The following BIRC3 variants were observed in gnomAD, a reference collection of about 807,000 sequenced individuals.
BIRC3 encodes the protein baculoviral IAP repeat-containing protein 3.
BIRC3 carries 26 observed loss-of-function variants against 59.0 expected under a neutral mutation model. The ratio of observed to expected loss-of-function variants is 0.44; its 90% confidence interval spans 0.32 to 0.61. The LOEUF (loss-of-function observed/expected upper bound fraction) is 0.61. Ranked by LOEUF, BIRC3 falls within the 20% of genes least tolerant of loss-of-function variation. The pLI, the probability that BIRC3 is intolerant of heterozygous loss-of-function variation, is 0.04. For synonymous variants in BIRC3, 243 were observed against 249.2 expected (o/e 0.98, Z 0.24); for missense variants, 641 against 711.5 (o/e 0.90, Z 1.13).
In BIRC3 at chr11:102,331,250, A is replaced by T. The variant is rs530596637; in HGVS notation, c.1324+9A>T. Reference sequence around the variant, plus strand: ...TGAGGAAAAAGAATCAAGTATGTAGATTTATTAATACAGTCTATTTTCATA... The same window carrying T: ...TGAGGAAAAAGAATCAAGTATGTAGTTTTATTAATACAGTCTATTTTCATA... On this transcript the variant is annotated intron_variant, in intron 6 of 8. Coordinates refer to ENST00000263464, the MANE Select transcript of BIRC3 (RefSeq NM_001165.5). The T allele has an allele frequency of 3.7e-6, 6 of 1,601,092 alleles. No homozygotes were observed. The East Asian group carries it at 1.4e-4, about 36-fold the overall frequency.
At position 102,323,132 on chromosome 11, in the gene BIRC3, T is replaced by C. The variant is rs1315074239; in HGVS notation, c.-1378T>C. On this transcript the variant is annotated 5_prime_UTR_variant, in exon 2 of 9. Transcript: ENST00000263464. ...TCAGAAACATTTAGAAAAACAAAAG[T>C]TCAAAAATGTTTTCAGGAGGTGATA... is the stretch of plus-strand genomic sequence containing the variant. 5.0e-6 allele frequency: 1 copy of C among 199,144 alleles called. No individual in the cohort carries two copies. The highest frequency in any genetic ancestry group is 1.0e-5 in the Non-Finnish European group (1 of 96,460). 12.3% of individuals were successfully genotyped at this position (199,144 alleles called of 1,614,324 possible).
chr11:102,328,316 G>C (rs1951104901), intron 4 of BIRC3, among the ~76,000 whole-genome samples, 186 bp downstream of exon 4: 1 of 152,174 alleles, frequency 6.6e-6, no homozygotes, highest in Admixed American at 6.5e-5. Context: ...ATAAATGGTA[G>C]TCTCCTGATA....
At chr11:102,330,912 C>G (rs762221543) in intron 5 of BIRC3, 87 bp from the exon 6 acceptor site, 16 of 1,335,816 alleles carry the variant, frequency 1.2e-5, no homozygotes, top group Non-Finnish European at 1.6e-5. Context: ...ATTATAAAAC[C>G]TTTCAATTTT....
At position 102,323,671 on chromosome 11, in the gene BIRC3, T is replaced by C. The variant is rs1012034186; in HGVS notation, c.-839T>C. The C allele has an allele frequency of 5.1e-6, 1 of 196,620 alleles. No individual in the cohort carries two copies. Among genetic ancestry groups the C allele is most frequent in the African/African-American group, 2.3e-5 (1 of 43,304 alleles). The allele number at this position is 196,620 out of a possible 1,614,324, so 12.2% of individuals were successfully genotyped here. Reference sequence around the variant, plus strand: ...ATGTGTTAGCCAGTCCTGTTACTAGTAAATCTCTTTATTTGGAGAGAAATT... The same window carrying C: ...ATGTGTTAGCCAGTCCTGTTACTAGCAAATCTCTTTATTTGGAGAGAAATT... On this transcript the variant is annotated 5_prime_UTR_variant, in exon 2 of 9. Coordinates refer to ENST00000263464, the MANE Select transcript of BIRC3 (RefSeq NM_001165.5).
intron 5 of BIRC3, among the ~76,000 whole-genome samples, chr11:102,330,347 A>G (rs1951126796): frequency 6.6e-6 from 1 of 152,250 alleles, no homozygotes; most frequent in Admixed American, 6.5e-5. Flanking sequence ...GGTCAGCACT[A>G]CAGGCAGAAT....
intron 6 of BIRC3, among the ~76,000 whole-genome samples, chr11:102,333,739 C>CG (rs1951169120): frequency 1.3e-5 from 2 of 152,008 alleles, no homozygotes; most frequent in African/African-American, 4.8e-5. Context: ...GAGCAAGACT[C>CG]TGTTTTAAAA....
intron 4 of BIRC3, 24 bp from the exon 5 acceptor site, chr11:102,328,873 T>C (rs1951110926): frequency 3.5e-6 from 3 of 856,158 alleles, no homozygotes; most frequent in East Asian, 4.8e-5. Flanking sequence ...TATATATATA[T>C]ATATATATTT....
chr11:102,335,546 C>T (rs1951186820), intron 6 of BIRC3, among the ~76,000 whole-genome samples: 2 of 152,174 alleles, frequency 1.3e-5, no homozygotes, highest in Non-Finnish European at 2.9e-5. Flanking sequence ...TTAGGACCTA[C>T]CTCAAAGAGC....
At chr11:102,328,168 A>G (rs775864205) in intron 4 of BIRC3, 38 bp downstream of exon 4, 2 of 1,520,786 alleles carry the variant, frequency 1.3e-6, no homozygotes, top group South Asian at 2.3e-5. Flanking sequence ...GGTTGCCATC[A>G]GAGAAATTGC....
Position 102,336,001 on chromosome 11 carries a change from C to A in BIRC3, c.1360C>A (p.Leu454Ile). 6.2e-7 allele frequency: 1 copy of A among 1,611,394 alleles called. No homozygotes were observed. The highest frequency in any genetic ancestry group is 8.5e-7 in the Non-Finnish European group (1 of 1,178,874). The change falls in exon 7 of 9, where the codon CTT becomes ATT. Residue 454 changes from leucine to isoleucine, a missense_variant. Around this residue, in one of 4 missense-constraint regions of BIRC3, gnomAD observed 268 missense variants for 255.7 expected, o/e 1.05. Transcript: ENST00000263464. Reference protein sequence around the residue: ...LLLIRKNRMALFQHLTCVIPI... With the variant: ...LLLIRKNRMAIFQHLTCVIPI... Reference sequence around the variant, plus strand: ...ATTAATCCGGAAGAATAGAATGGCACTTTTTCAACATTTGACTTGTGTAAT... The same window carrying A: ...ATTAATCCGGAAGAATAGAATGGCAATTTTTCAACATTTGACTTGTGTAAT...
chr11:102,332,592 C>G (rs911885505), intron 6 of BIRC3, among the ~76,000 whole-genome samples: 1 of 152,192 alleles, frequency 6.6e-6, no homozygotes. Flanking sequence ...TTCTCCTTAT[C>G]CTTGTGCAAG....
Position 102,328,869 on chromosome 11 carries a change from TATATATATATA to T in BIRC3, c.1033-27_1033-17del. On this transcript the variant is annotated splice_polypyrimidine_tract_variant and intron_variant, in intron 4 of 8. Coordinates refer to ENST00000263464, the MANE Select transcript of BIRC3 (RefSeq NM_001165.5). ...ATTTCTATTTTAATTTATATATATA[TATATATATATA>T]TTTTTTTTTTCTGCAGCTGCTATCC... is the stretch of plus-strand genomic sequence containing the variant. 2.5e-6 allele frequency: 2 copies of T among 794,160 alleles called. No homozygotes were observed. The highest frequency in any genetic ancestry group is 3.4e-6 in the Non-Finnish European group (2 of 595,682). The allele number at this position is 794,160 out of a possible 1,614,324, so 49.2% of individuals were successfully genotyped here. A position where few individuals can be genotyped will look rare whatever the true frequency, so the allele number is the denominator to read the frequency against.
At chr11:102,318,333 G>T (rs922828313) in intron 1 of BIRC3, among the ~76,000 whole-genome samples, 2 of 152,052 alleles carry the variant, frequency 1.3e-5, no homozygotes, top group African/African-American at 4.8e-5. Flanking sequence ...TTGGTATTGG[G>T]CACCCCCGAT....
chr11:102,334,118 C>T (rs1041042330), intron 6 of BIRC3, among the ~76,000 whole-genome samples: 4 of 151,918 alleles, frequency 2.6e-5, no homozygotes, highest in South Asian at 2.1e-4. Flanking sequence ...TATTAGGTTA[C>T]GTATAATTAC....
intron 6 of BIRC3, among the ~76,000 whole-genome samples, chr11:102,334,012 C>A (rs1346583069): frequency 2.0e-5 from 3 of 152,122 alleles, no homozygotes; most frequent in Admixed American, 2.0e-4. Flanking sequence ...TCTGAACTTG[C>A]AAACCAGAAT....
Position 102,336,105 on chromosome 11 carries a change from G to C in BIRC3, c.1464G>C (p.Thr488=), listed in dbSNP as rs761531393. 6.2e-7 allele frequency: 1 copy of C among 1,613,820 alleles called. No individual in the cohort carries two copies. Among genetic ancestry groups the C allele is most frequent in the East Asian group, 2.2e-5 (1 of 44,830 alleles). Residue 488 remains threonine, a synonymous_variant, in exon 7 of 9, where the codon ACG becomes ACC. Transcript: ENST00000263464. ...ATGTTATTAAACAGAAGACACAGAC[G>C]TCTTTACAAGCAAGAGAACTGATTG... ...EHDVIKQKTQ[T]SLQARELIDT...
intron 1 of BIRC3, among the ~76,000 whole-genome samples, chr11:102,317,791 GCTC>G (rs1950985342): frequency 6.6e-6 from 1 of 152,190 alleles, no homozygotes; most frequent in African/African-American, 2.4e-5. Context: ...GGTTCCAGGT[GCTC>G]AATTTCTATT....
intron 3 of BIRC3, among the ~76,000 whole-genome samples, chr11:102,325,984 A>G (rs2135785341): frequency 1.3e-5 from 2 of 152,236 alleles, no homozygotes; most frequent in African/African-American, 4.8e-5. Context: ...ATACATATAC[A>G]TATAGAAATA....
chr11:102,335,972 T>C lies in BIRC3; in HGVS notation c.1331T>C (p.Leu444Ser), dbSNP rs764505569. ...RATEEKESND[L>S]LLIRKNRMAL... ...TGTTTTCTTTTTTATAAAGATGATT[T>C]ATTATTAATCCGGAAGAATAGAATG... Residue 444 changes from leucine (L) to serine (S), a missense_variant, in exon 7 of 9, where the codon TTA becomes TCA. Physicochemically the swap from Leu to Ser is moderately radical, Grantham distance 145 (BLOSUM62 -2). This residue lies in a region of BIRC3 where 268 missense variants were observed against 255.7 expected (regional missense o/e 1.05). Transcript: ENST00000263464. 1.9e-6 allele frequency: 3 copies of C among 1,602,066 alleles called. No homozygotes were observed. The highest frequency in any genetic ancestry group is 3.5e-5 in the Admixed American group (2 of 57,760).
Sources: gnomAD v4.1 joint callset for allele counts (sites outside exome capture counted in the v4.1 genomes callset) on GRCh38, gnomAD v4.1.1 for gene constraint, gnomAD v4.1.1 regional missense constraint, MANE v1.5 for transcripts, NCBI Gene and HGNC (gene_info 2026-07-23, HGNC 2026-07-21) for gene names.